Variants in RBFOX1 observed in about 807,000 individuals in gnomAD.
The protein encoded by RBFOX1 is RNA binding protein fox-1 homolog 1.
In RBFOX1, 8 loss-of-function variants were observed where a neutral mutation model predicts 57.7. That is an observed-to-expected ratio of 0.14 (90% confidence interval 0.08 to 0.25). The LOEUF (loss-of-function observed/expected upper bound fraction) is 0.25. Among genes scored for constraint, RBFOX1 ranks in the 10% least tolerant of loss-of-function variants. The probability of loss-of-function intolerance (pLI) is 1.00; values close to 1 mark genes in which losing one functional copy is unlikely to be tolerated. For synonymous variants in RBFOX1, 326 were observed against 222.4 expected (o/e 1.47, Z -4.15); for missense variants, 611 against 548.5 (o/e 1.11, Z -1.14).
chr16:7,641,221 C>T (rs1377188619), intron 11 of RBFOX1, among the ~76,000 whole-genome samples: 2 of 152,204 alleles, frequency 1.3e-5, no homozygotes, highest in African/African-American at 4.8e-5. Context: ...GAGGTGGCTG[C>T]TGCTTCTTCC....
intron 4 of RBFOX1, among the ~76,000 whole-genome samples, chr16:7,456,838 C>T (rs1469887792): frequency 6.6e-6 from 1 of 152,088 alleles, no homozygotes; most frequent in African/African-American, 2.4e-5. Context: ...AGGGCTGTAT[C>T]AGCTTGGAGG....
intron 4 of RBFOX1, among the ~76,000 whole-genome samples, chr16:5,956,147 G>A (rs549156151): frequency 4.6e-4 from 70 of 152,074 alleles, no homozygotes; most frequent in African/African-American, 1.6e-3. Flanking sequence ...GTGGTGGCGC[G>A]CACCTGTACC....
intron 4 of RBFOX1, among the ~76,000 whole-genome samples, chr16:7,239,359 C>T (rs1356824438): frequency 4.6e-5 from 7 of 152,024 alleles, no homozygotes; most frequent in Admixed American, 2.6e-4. Flanking sequence ...ATTAGCCAGG[C>T]GTGGTGGTGC....
intron 1 of RBFOX1, among the ~76,000 whole-genome samples, chr16:5,413,194 T>C (rs2067069705): frequency 6.6e-6 from 1 of 152,128 alleles, no homozygotes; most frequent in African/African-American, 2.4e-5. Flanking sequence ...GTGGGGTGCC[T>C]CTTAACTAAG....
At chr16:5,490,759 C>T (rs2042801517) in intron 2 of RBFOX1, among the ~76,000 whole-genome samples, 1 of 152,156 alleles carries the variant, frequency 6.6e-6, no homozygotes, top group Non-Finnish European at 1.5e-5. Flanking sequence ...GAAGCTGCCG[C>T]GCCCCCTGCA....
chr16:6,338,202 C>T (rs565718699), intron 2 of RBFOX1, among the ~76,000 whole-genome samples: 1 of 152,260 alleles, frequency 6.6e-6, no homozygotes, highest in South Asian at 2.1e-4. Context: ...TTTTCCCCAC[C>T]TCTTCACTTG....
chr16:6,749,178 C>G (rs2074402171), intron 3 of RBFOX1, among the ~76,000 whole-genome samples: 1 of 152,198 alleles, frequency 6.6e-6, no homozygotes, highest in Non-Finnish European at 1.5e-5. Flanking sequence ...TCAGGCAGAT[C>G]TGAGTTTGGA....
chr16:6,844,490 A>C (rs1223372425), intron 3 of RBFOX1, among the ~76,000 whole-genome samples: 1 of 152,038 alleles, frequency 6.6e-6, no homozygotes, highest in East Asian at 1.9e-4. Context: ...AACTCCATCT[A>C]TGTCTCTGCA....
chr16:6,799,826 A>G (rs1468681675), intron 3 of RBFOX1, among the ~76,000 whole-genome samples: 1 of 152,124 alleles, frequency 6.6e-6, no homozygotes, highest in East Asian at 1.9e-4. Context: ...CTTTAGCCAC[A>G]GACTGAAGGC....
intron 2 of RBFOX1, among the ~76,000 whole-genome samples, chr16:6,441,756 G>A (rs558009219): frequency 1.3e-5 from 2 of 152,068 alleles, no homozygotes; most frequent in South Asian, 4.1e-4. Flanking sequence ...CTGTCTTCAC[G>A]TAGCCAGGAT....
rs545148588 is a variant in RBFOX1 at position 6,621,184 on chromosome 16, G to T, written c.-63-33419G>T. The stretch of plus-strand genomic sequence containing the variant: ...CTCTTATAAAAACACTAGTCAGGCC[G>T]GGCGCGGTGGCTCACGCCTGTATTC... On this transcript the variant is annotated intron_variant, in intron 2 of 15. Coordinates refer to ENST00000550418, the MANE Select transcript of RBFOX1 (RefSeq NM_018723.4). Among the ~76,000 whole-genome samples the T allele has an allele frequency of 1.9e-3, 294 of 152,252 alleles. 1 individual carries two copies. Among genetic ancestry groups the T allele is most frequent in the Non-Finnish European group, 3.6e-3 (248 of 68,016 alleles).
intron 3 of RBFOX1, among the ~76,000 whole-genome samples, chr16:6,772,197 G>A (rs1046032661): frequency 6.6e-6 from 1 of 152,066 alleles, no homozygotes; most frequent in Admixed American, 6.6e-5. Context: ...TGGACTGTGA[G>A]CCTCCCAAGT....
intron 4 of RBFOX1, chr16:7,126,442 G>C (rs1164986633): frequency 3.5e-5 from 8 of 228,712 alleles, no homozygotes; most frequent in South Asian, 6.9e-5. Context: ...TTCACATACA[G>C]CTTGGGAAGC....
At chr16:6,068,002 T>G (rs949676138) in intron 1 of RBFOX1, among the ~76,000 whole-genome samples, 2 of 152,252 alleles carry the variant, frequency 1.3e-5, no homozygotes, top group African/African-American at 4.8e-5. Flanking sequence ...AAACACAGTC[T>G]TTCTATCAAT....
intron 3 of RBFOX1, among the ~76,000 whole-genome samples, chr16:6,788,022 A>T (rs1257828190): frequency 6.6e-6 from 1 of 152,088 alleles, no homozygotes; most frequent in Non-Finnish European, 1.5e-5. Context: ...CAGGAGTTCG[A>T]GACCAGCCAG....
At chr16:7,301,265 G>C (rs1429390076) in intron 4 of RBFOX1, among the ~76,000 whole-genome samples, 3 of 152,202 alleles carry the variant, frequency 2.0e-5, no homozygotes, top group Admixed American at 2.0e-4. Context: ...CCTTAATATA[G>C]TTGCAGTGTT....
intron 3 of RBFOX1, among the ~76,000 whole-genome samples, chr16:5,637,566 G>C (rs1490299581): frequency 1.3e-5 from 2 of 152,216 alleles, no homozygotes; most frequent in Non-Finnish European, 2.9e-5. Context: ...AATAAATCTA[G>C]TTTTAATTGC....
intron 2 of RBFOX1, among the ~76,000 whole-genome samples, chr16:5,563,350 C>G (rs1303443500): frequency 3.9e-5 from 6 of 152,194 alleles, no homozygotes; most frequent in Non-Finnish European, 7.3e-5. Context: ...TGTCTGTCCT[C>G]CAAATATAAA....
chr16:7,634,824 T>C (rs866039097), intron 11 of RBFOX1, among the ~76,000 whole-genome samples: 3 of 152,250 alleles, frequency 2.0e-5, no homozygotes, highest in Middle Eastern at 3.4e-3. Flanking sequence ...TCATCCAGAG[T>C]GTAAAATGGG....
Sources: gnomAD v4.1 joint callset for allele counts (sites outside exome capture counted in the v4.1 genomes callset) on GRCh38, gnomAD v4.1.1 for gene constraint, MANE v1.5 for transcripts, NCBI Gene and HGNC (gene_info 2026-07-23, HGNC 2026-07-21) for gene names.